CCDC178: variants seen among roughly 807,000 people sequenced by gnomAD.
CCDC178 encodes the protein coiled-coil domain-containing protein 178.
Under a neutral mutation model 117.4 loss-of-function variants are expected in CCDC178, and 126 were observed. The observed-to-expected ratio is 1.07, with a 90% confidence interval of 0.93 to 1.24. The LOEUF (loss-of-function observed/expected upper bound fraction) is 1.24, where lower values mean the gene tolerates loss of function less well. Among genes scored for constraint, CCDC178 ranks in the 50% most tolerant of loss-of-function variants. The pLI is 0.00. For synonymous variants in CCDC178, 283 were observed against 313.4 expected, an observed-to-expected ratio of 0.90 and a Z score of 1.02; for missense variants, 1,030 against 986.9, an observed-to-expected ratio of 1.04 and a Z score of -0.59.
At chr18:33,071,654 C>T (rs1397684282) in intron 21 of CCDC178, among the ~76,000 whole-genome samples, 9 of 152,092 alleles carry the variant, frequency 5.9e-5, no homozygotes, top group Non-Finnish European at 1.2e-4. Flanking sequence ...GTCATATTCT[C>T]ATTGGGAAAC....
chr18:33,329,208 CTA>C (rs1026566547), intron 10 of CCDC178, among the ~76,000 whole-genome samples: 70 of 152,058 alleles, frequency 4.6e-4, no homozygotes, highest in African/African-American at 1.7e-3. Context: ...TTGGTATTTT[CTA>C]TATGTTAGAT....
intron 11 of CCDC178, among the ~76,000 whole-genome samples, chr18:33,312,358 G>GCA (rs1267798185): frequency 2.0e-5 from 3 of 152,150 alleles, no homozygotes; most frequent in African/African-American, 7.2e-5. Context: ...AAAACCTCCT[G>GCA]CACGATATTT....
At chr18:33,124,878 A>G (rs1481293631) in intron 20 of CCDC178, among the ~76,000 whole-genome samples, 1 of 152,180 alleles carries the variant, frequency 6.6e-6, no homozygotes, top group Admixed American at 6.5e-5. Flanking sequence ...AAACAATGAA[A>G]TAAGGATACC....
intron 11 of CCDC178, among the ~76,000 whole-genome samples, chr18:33,309,274 C>T (rs915532053): frequency 6.6e-6 from 1 of 151,786 alleles, no homozygotes; most frequent in South Asian, 2.1e-4. Context: ...TGTATTTAAC[C>T]CATGTGTTTA....
At chr18:32,982,469 C>G (rs2037649190) in intron 21 of CCDC178, among the ~76,000 whole-genome samples, 2 of 152,138 alleles carry the variant, frequency 1.3e-5, no homozygotes, top group South Asian at 4.1e-4. Context: ...GCATGAACAG[C>G]ACTCACAGTT....
At chr18:33,313,377 G>C (rs1005710576) in intron 11 of CCDC178, among the ~76,000 whole-genome samples, 1 of 152,048 alleles carries the variant, frequency 6.6e-6, no homozygotes, top group Admixed American at 6.6e-5. Flanking sequence ...ACAGACAAAG[G>C]GTCATTTCCA....
rs533791120 is a variant in CCDC178 at position 33,124,679 on chromosome 18, T to C, written c.2239-31769A>G. Among the ~76,000 whole-genome samples, 4 of 152,352 alleles carry C rather than the reference T, an allele frequency of 2.6e-5. No individual in the cohort carries two copies. The East Asian group carries it at 7.7e-4, about 29-fold the overall frequency. On this transcript the variant is annotated intron_variant, in intron 20 of 22. Transcript: ENST00000383096. The stretch of plus-strand genomic sequence containing the variant: ...GTGGTGATTTACTGAAGGATAATAC[T>C]GAAGGATATTATTGAAGTAATAATT...
At chr18:33,038,532 ACCT>A (rs1256973076) in intron 21 of CCDC178, among the ~76,000 whole-genome samples, 1 of 151,924 alleles carries the variant, frequency 6.6e-6, no homozygotes, top group East Asian at 1.9e-4. Flanking sequence ...ATTCCAAGTG[ACCT>A]CCTGTTGTAG....
intron 2 of CCDC178, among the ~76,000 whole-genome samples, chr18:33,436,699 A>C (rs369130451): frequency 9.9e-5 from 15 of 152,250 alleles, no homozygotes; most frequent in African/African-American, 3.6e-4. Context: ...AGTAATAATA[A>C]TTGAATTTAT....
chr18:33,102,838 C>A (rs926543751), intron 20 of CCDC178, among the ~76,000 whole-genome samples: 1 of 151,790 alleles, frequency 6.6e-6, no homozygotes, highest in Non-Finnish European at 1.5e-5. Context: ...CAGCCAAATC[C>A]AGCCCCTGCA....
At chr18:33,239,196 C>T (rs970399404) in intron 15 of CCDC178, among the ~76,000 whole-genome samples, 1 of 151,788 alleles carries the variant, frequency 6.6e-6, no homozygotes, top group East Asian at 1.9e-4. Flanking sequence ...ACTGGCAGAG[C>T]CAATATACAC....
At chr18:33,327,221 T>A (rs1390620914) in intron 10 of CCDC178, among the ~76,000 whole-genome samples, 6 of 152,182 alleles carry the variant, frequency 3.9e-5, no homozygotes, top group Non-Finnish European at 8.8e-5. Context: ...ACCTTTTGTG[T>A]CTACCTTCTT....
At chr18:33,024,844 G>A (rs562582616) in intron 21 of CCDC178, among the ~76,000 whole-genome samples, 2 of 151,170 alleles carry the variant, frequency 1.3e-5, no homozygotes, top group African/African-American at 2.4e-5. Flanking sequence ...GTAGAGACGG[G>A]GTTTCACCGT....
intron 20 of CCDC178, among the ~76,000 whole-genome samples, chr18:33,208,352 C>A (rs1240989045): frequency 1.3e-5 from 2 of 151,998 alleles, no homozygotes; most frequent in African/African-American, 4.8e-5. Context: ...ACAATTTAGA[C>A]CACAGAATAT....
At chr18:33,362,664 G>C (rs928846465) in intron 6 of CCDC178, among the ~76,000 whole-genome samples, 4 of 151,912 alleles carry the variant, frequency 2.6e-5, no homozygotes, top group Admixed American at 6.6e-5. Flanking sequence ...ATATGTGTCT[G>C]TCTGTATGTA....
At chr18:33,040,995 A>C (rs527441016) in intron 21 of CCDC178, among the ~76,000 whole-genome samples, 2 of 152,104 alleles carry the variant, frequency 1.3e-5, no homozygotes, top group Non-Finnish European at 2.9e-5. Flanking sequence ...CTCAATTTTT[A>C]AAGTAGAATT....
chr18:33,091,412 C>CTGCCA (rs1304128292), intron 21 of CCDC178, among the ~76,000 whole-genome samples: 1 of 122,144 alleles, frequency 8.2e-6, no homozygotes, highest in Non-Finnish European at 1.6e-5. Flanking sequence ...TCTTGGCTCA[C>CTGCCA]TGCCATGTCC....
At chr18:33,058,431 A>G (rs985197405) in intron 21 of CCDC178, among the ~76,000 whole-genome samples, 1 of 152,254 alleles carries the variant, frequency 6.6e-6, no homozygotes, top group African/African-American at 2.4e-5. Flanking sequence ...CTCAATGGCC[A>G]TAGTCAATAA....
At chr18:33,116,794 T>C (rs1406499974) in intron 20 of CCDC178, among the ~76,000 whole-genome samples, 1 of 109,958 alleles carries the variant, frequency 9.1e-6, no homozygotes, top group Non-Finnish European at 1.8e-5. Flanking sequence ...GCCTACTCTC[T>C]TTTAAAGAAA....
Sources: gnomAD v4.1 joint callset for allele counts (sites outside exome capture counted in the v4.1 genomes callset) on GRCh38, gnomAD v4.1.1 for gene constraint, MANE v1.5 for transcripts, NCBI Gene and HGNC (gene_info 2026-07-23, HGNC 2026-07-21) for gene names.